The following MYO5C variants were observed in gnomAD, a reference collection of about 807,000 sequenced individuals.
MYO5C encodes the protein myosin VC.
Under a neutral mutation model 235.7 loss-of-function variants are expected in MYO5C, and 194 were observed. The ratio of observed to expected loss-of-function variants is 0.82; its 90% CI spans 0.73 to 0.93. MYO5C has a LOEUF of 0.93. MYO5C is among the 40% of genes least tolerant of loss of function. The pLI, the probability that MYO5C is intolerant of heterozygous loss-of-function variation, is 0.00. For synonymous variants in MYO5C, 707 were observed against 754.8 expected, an observed-to-expected ratio of 0.94 and a Z score of 1.04; for missense variants, 2,038 against 2,127.2, an observed-to-expected ratio of 0.96 and a Z score of 0.82.
intron 9 of MYO5C, among the ~76,000 whole-genome samples, chr15:52,262,410 G>A (rs1341880485): frequency 6.6e-6 from 1 of 152,170 alleles, no homozygotes; most frequent in Non-Finnish European, 1.5e-5. Flanking sequence ...CATTTGTTGG[G>A]TAGAAATCAC....
intron 5 of MYO5C, 68 bp from the exon 6 acceptor site, chr15:52,272,791 G>T (rs1398167275): frequency 9.8e-6 from 15 of 1,538,356 alleles, no homozygotes; most frequent in Admixed American, 7.2e-5. Flanking sequence ...TATTGGAGGG[G>T]TTTTTAGTAA....
intron 1 of MYO5C, among the ~76,000 whole-genome samples, chr15:52,288,058 G>GA (rs1471448052): frequency 1.3e-5 from 2 of 152,140 alleles, no homozygotes; most frequent in Non-Finnish European, 2.9e-5. Context: ...AGCTGGAGCT[G>GA]AGAGCCCTGG....
At chr15:52,208,735 AAT>A in intron 35 of MYO5C, 92 bp from the exon 36 acceptor site, 1 of 1,107,396 alleles carries the variant, frequency 9.0e-7, no homozygotes, top group African/African-American at 1.6e-5. Flanking sequence ...TTTTGACCAA[AAT>A]TAGTTTTTCT....
At chr15:52,224,874 A>T in intron 28 of MYO5C, 27 bp downstream of exon 28, 3 of 1,583,688 alleles carry the variant, frequency 1.9e-6, no homozygotes, top group Non-Finnish European at 2.6e-6. Context: ...TGAAAAATAA[A>T]GAAGATCCCT....
In MYO5C at chr15:52,193,675, G is replaced by C. The variant is rs909210107; in HGVS notation, c.*227C>G. On this transcript the variant is annotated 3_prime_UTR_variant, in exon 41 of 41. Coordinates refer to ENST00000261839, the MANE Select transcript of MYO5C (RefSeq NM_018728.4). ...TTTCAGTGAAAACCAGCTGAGATTCGAGAGTGAGACATGGCTTTTCCAAAT... is the reference window on the plus strand; with the variant it reads ...TTTCAGTGAAAACCAGCTGAGATTCCAGAGTGAGACATGGCTTTTCCAAAT... 2.5e-5 allele frequency: 12 copies of C among 483,722 alleles called. No individual in the cohort carries two copies. Among genetic ancestry groups the C allele is most frequent in the African/African-American group, 4.1e-5 (2 of 49,070 alleles). The allele number at this position is 483,722 out of a possible 1,614,324, so 30.0% of individuals were successfully genotyped here.
At chr15:52,241,751 T>A (rs35350036) in intron 20 of MYO5C, among the ~76,000 whole-genome samples, 113,187 of 150,140 alleles carry the variant, frequency 0.75, 46,743 homozygotes, top group Non-Finnish European at 0.94. Flanking sequence ...TGTGTGTGTG[T>A]GAGAGAGAGA....
At position 52,229,117 on chromosome 15, in the gene MYO5C, G is replaced by A. The variant is rs189090450; in HGVS notation, c.3207+16C>T. ...ACGTAACCAGAGGGCGGGGCTGAAC[G>A]TGAGAGCCGCTCTACCTTGACCTGC... On this transcript the variant is annotated intron_variant, in intron 25 of 40. Coordinates refer to ENST00000261839, the MANE Select transcript of MYO5C (RefSeq NM_018728.4). 6 of 1,613,460 alleles carry A rather than the reference G, an allele frequency of 3.7e-6. No homozygotes were observed. The highest frequency in any genetic ancestry group is 3.3e-5 in the Admixed American group (2 of 59,932).
intron 9 of MYO5C, among the ~76,000 whole-genome samples, chr15:52,263,263 C>T (rs574293601): frequency 2.0e-5 from 3 of 152,268 alleles, no homozygotes; most frequent in Admixed American, 2.0e-4. Flanking sequence ...ACATTTTTTA[C>T]TTGTGTTTGT....
Position 52,253,395 on chromosome 15 carries a change from ATC to A in MYO5C, c.1456_1457del (p.Asp486PhefsTer3). 6.2e-7 allele frequency: 1 copy of A among 1,614,058 alleles called. No homozygotes were observed. The highest frequency in any genetic ancestry group is 8.5e-7 in the Non-Finnish European group (1 of 1,179,938). ...MKEDIPWTLI[D>X]FYDNQPVIDL... ...CAATAACTGGTTGATTGTCATAAAA[ATC>A]TATCAGCGTCCAAGGTATATCTTCC... On this transcript the variant is annotated frameshift_variant, in exon 12 of 41. Transcript: ENST00000261839. LOFTEE classifies it high-confidence loss of function.
chr15:52,231,352 C>T (rs1439615084), intron 24 of MYO5C, among the ~76,000 whole-genome samples: 2 of 152,098 alleles, frequency 1.3e-5, no homozygotes, highest in Non-Finnish European at 2.9e-5. Flanking sequence ...TGGCCTGCCT[C>T]GCCCTGACCC....
rs1164068735 is a variant in MYO5C at position 52,192,751 on chromosome 15, A to G, written c.*1151T>C. Reference sequence around the variant, plus strand: ...CACAATTTTTTAGTTACTTTTTGAGAAAATTTAAAAATAAATACATTGAAA... The same window carrying G: ...CACAATTTTTTAGTTACTTTTTGAGGAAATTTAAAAATAAATACATTGAAA... On this transcript the variant is annotated 3_prime_UTR_variant, in exon 41 of 41. Transcript: ENST00000261839. The G allele has an allele frequency of 6.6e-6, 1 of 152,224 alleles. No individual in the cohort carries two copies. The highest frequency in any genetic ancestry group is 1.9e-4 in the East Asian group (1 of 5,200). 9.4% of individuals were successfully genotyped at this position (152,224 alleles called of 1,614,324 possible). A position where few individuals can be genotyped will look rare whatever the true frequency, so the allele number is the denominator to read the frequency against.
rs1259369995 is a variant in MYO5C at position 52,229,129 on chromosome 15, C to G, written c.3207+4G>C. 6.2e-7 allele frequency: 1 copy of G among 1,613,926 alleles called. No individual in the cohort carries two copies. The highest frequency in any genetic ancestry group is 1.7e-5 in the Admixed American group (1 of 59,992). On this transcript the variant is annotated splice_donor_region_variant and intron_variant, in intron 25 of 40. Transcript: ENST00000261839. The stretch of plus-strand genomic sequence containing the variant: ...GGCGGGGCTGAACGTGAGAGCCGCT[C>G]TACCTTGACCTGCTTGCTCAGGCGG...
At chr15:52,195,510 C>G in intron 39 of MYO5C, 53 bp from the exon 40 acceptor site, 1 of 1,267,254 alleles carries the variant, frequency 7.9e-7, no homozygotes. Context: ...TAACTCTGTT[C>G]ATAAAATAAT....
At chr15:52,266,664 C>T (rs192970128) in intron 8 of MYO5C, among the ~76,000 whole-genome samples, 14 of 152,330 alleles carry the variant, frequency 9.2e-5, no homozygotes, top group South Asian at 4.1e-4. Flanking sequence ...AGGGAACTCA[C>T]CCGAGGTCAC....
Position 52,194,030 on chromosome 15 carries a change from A to C in MYO5C, c.5101T>G (p.Ser1701Ala), listed in dbSNP as rs139087221. The change falls in exon 41 of 41, where the codon TCA becomes GCA. Residue 1701 changes from serine (S) to alanine (A), a missense_variant. Transcript: ENST00000261839. ...VQALLNSREDSSQLMLDTKYL... is the reference protein window; with the variant it reads ...VQALLNSREDASQLMLDTKYL... Reference sequence around the variant, plus strand: ...TTGGTATCCAACATCAGCTGTGATGAATCCTCCCGGCTATTTAGGAGAGCC... The same window carrying C: ...TTGGTATCCAACATCAGCTGTGATGCATCCTCCCGGCTATTTAGGAGAGCC... The C allele has an allele frequency of 2.4e-4, 388 of 1,613,372 alleles. 3 individuals are homozygous for C. In the African/African-American group the frequency reaches 4.7e-3, roughly 19 times the overall value.
At chr15:52,278,197 T>C (rs1013710082) in intron 4 of MYO5C, among the ~76,000 whole-genome samples, 1 of 152,248 alleles carries the variant, frequency 6.6e-6, no homozygotes, top group African/African-American at 2.4e-5. Context: ...CCAAAAGTGA[T>C]AGTTATGGGA....
intron 29 of MYO5C, among the ~76,000 whole-genome samples, chr15:52,223,013 A>G (rs2035731927): frequency 6.6e-6 from 1 of 151,984 alleles, no homozygotes. Flanking sequence ...GCTGACCGTG[A>G]TGGTGGGCGC....
intron 4 of MYO5C, 71 bp downstream of exon 4, chr15:52,278,802 C>T: frequency 1.3e-6 from 2 of 1,571,930 alleles, no homozygotes; most frequent in Non-Finnish European, 1.7e-6. Flanking sequence ...ATCTCCCCTC[C>T]ACTGTGATGG....
At position 52,205,087 on chromosome 15, in the gene MYO5C, A is replaced by G; in HGVS notation, c.4598T>C (p.Phe1533Ser). The G allele has an allele frequency of 6.2e-7, 1 of 1,614,144 alleles. No homozygotes were observed. ...QGISGLKPTG[F>S]RKRSSSIDDT... ...GTCTATGCTAGAGGAGCGCTTCCGG[A>G]AGCCTGTGGGCTTCAGGCCGGAAAT... The change falls in exon 38 of 41, where the codon TTC becomes TCC. Residue 1533 changes from phenylalanine (F) to serine (S), a missense_variant. Phe to Ser is a radical substitution (Grantham distance 155). Coordinates refer to ENST00000261839, the MANE Select transcript of MYO5C (RefSeq NM_018728.4).
Sources: gnomAD v4.1 joint callset for allele counts (sites outside exome capture counted in the v4.1 genomes callset) on GRCh38, gnomAD v4.1.1 for gene constraint, MANE v1.5 for transcripts, NCBI Gene and HGNC (gene_info 2026-07-23, HGNC 2026-07-21) for gene names.